ROBO2: variants seen among roughly 807,000 people sequenced by gnomAD.
ROBO2 encodes the protein roundabout guidance receptor 2, also known as roundabout homolog 2.
ROBO2 carries 53 observed loss-of-function variants against 160.8 expected under a neutral mutation model. The observed-to-expected ratio is 0.33, with a 90% confidence interval of 0.26 to 0.41. The LOEUF (loss-of-function observed/expected upper bound fraction) is 0.41. Among genes scored for constraint, ROBO2 ranks in the 10% least tolerant of loss-of-function variants. ROBO2 has a pLI of 1.00. For synonymous variants in ROBO2, 664 were observed against 611.7 expected (o/e 1.09, Z -1.26); for missense variants, 1,577 against 1,722.4 (o/e 0.92, Z 1.49).
intron 2 of ROBO2, among the ~76,000 whole-genome samples, chr3:77,139,294 CA>C (rs1455633362): frequency 1.3e-5 from 2 of 152,022 alleles, no homozygotes; most frequent in Non-Finnish European, 2.9e-5. Context: ...ATTATACCTC[CA>C]AAATCTGAAT....
At chr3:76,632,264 T>G (rs2090076020) in intron 2 of ROBO2, among the ~76,000 whole-genome samples, 1 of 152,174 alleles carries the variant, frequency 6.6e-6, no homozygotes, top group Admixed American at 6.5e-5. Flanking sequence ...ACCCATAAGT[T>G]TTCACTGAGC....
rs144171510 is a variant in ROBO2 at position 77,542,057 on chromosome 3, T to C, written c.935-4281T>C. Among the ~76,000 whole-genome samples the C allele has an allele frequency of 2.1e-3, 325 of 152,302 alleles. 3 individuals carry two copies. The highest frequency in any genetic ancestry group is 7.4e-3 in the African/African-American group (308 of 41,588). ...AAATGCCACATCTGTCTACTCCCTC[T>C]CTTTGGTGCCATCAGCCAAATACTG... On this transcript the variant is annotated intron_variant, in intron 6 of 25. Transcript: ENST00000461745.
intron 2 of ROBO2, among the ~76,000 whole-genome samples, chr3:76,254,756 AAC>A (rs1706252942): frequency 6.6e-6 from 1 of 151,356 alleles, no homozygotes; most frequent in African/African-American, 2.4e-5. Context: ...AGAGAGAGAG[AAC>A]AAATAAAACT....
intron 2 of ROBO2, among the ~76,000 whole-genome samples, chr3:76,759,826 A>C (rs914147938): frequency 5.3e-5 from 8 of 151,850 alleles, no homozygotes; most frequent in Non-Finnish European, 8.8e-5. Flanking sequence ...TAAAATAAGA[A>C]ATTTGGAGCC....
intron 2 of ROBO2, among the ~76,000 whole-genome samples, chr3:76,261,200 G>GTATA (rs1297206645): frequency 3.1e-5 from 4 of 128,592 alleles, no homozygotes; most frequent in African/African-American, 1.1e-4. Flanking sequence ...GTGTGTGTGT[G>GTATA]TGTATATATA....
intron 2 of ROBO2, among the ~76,000 whole-genome samples, chr3:76,981,625 A>G (rs946161788): frequency 1.1e-4 from 16 of 152,172 alleles, no homozygotes; most frequent in Non-Finnish European, 1.9e-4. Flanking sequence ...TCTTCACAAT[A>G]TCTGTATTTG....
At chr3:77,398,411 A>G (rs2075482887) in intron 2 of ROBO2, among the ~76,000 whole-genome samples, 1 of 152,058 alleles carries the variant, frequency 6.6e-6, no homozygotes, top group Admixed American at 6.6e-5. Context: ...ACAATCAGAG[A>G]GATACAATCA....
intron 2 of ROBO2, among the ~76,000 whole-genome samples, chr3:76,168,419 CCTGA>C (rs1404608785): frequency 6.6e-6 from 1 of 152,068 alleles, no homozygotes; most frequent in African/African-American, 2.4e-5. Context: ...GTCAATTATG[CCTGA>C]CTTTTTCTTC....
chr3:77,612,948 G>A (rs985671203), intron 21 of ROBO2, among the ~76,000 whole-genome samples: 4 of 151,212 alleles, frequency 2.6e-5, no homozygotes, highest in African/African-American at 7.3e-5. Flanking sequence ...GCGAGACTCC[G>A]TCTCAAAAAA....
chr3:77,591,207 C>CT (rs1397725756), intron 17 of ROBO2, among the ~76,000 whole-genome samples: 1 of 152,088 alleles, frequency 6.6e-6, no homozygotes, highest in East Asian at 1.9e-4. Flanking sequence ...TTTTTATACT[C>CT]TGATTATCTG....
intron 2 of ROBO2, among the ~76,000 whole-genome samples, chr3:76,410,590 T>C (rs1015255814): frequency 1.3e-5 from 2 of 152,188 alleles, no homozygotes; most frequent in Non-Finnish European, 2.9e-5. Context: ...TTTTAATCTT[T>C]CTTTGCCTTA....
chr3:76,565,608 T>A (rs938775263), intron 2 of ROBO2, among the ~76,000 whole-genome samples: 1 of 152,204 alleles, frequency 6.6e-6, no homozygotes, highest in Admixed American at 6.5e-5. Flanking sequence ...TCATGTATTG[T>A]AAACTGAAAA....
intron 1 of ROBO2, among the ~76,000 whole-genome samples, chr3:75,908,220 T>G (rs924184444): frequency 1.3e-5 from 2 of 152,162 alleles, no homozygotes; most frequent in African/African-American, 4.8e-5. Context: ...TACCAAATTC[T>G]CTTTTAGGAT....
At chr3:76,166,113 A>C (rs1225820788) in intron 2 of ROBO2, among the ~76,000 whole-genome samples, 1 of 152,194 alleles carries the variant, frequency 6.6e-6, no homozygotes, top group East Asian at 1.9e-4. Flanking sequence ...ATTGAAAAAA[A>C]ATAGAGCCAA....
chr3:76,118,344 G>T (rs1348251582), intron 2 of ROBO2, among the ~76,000 whole-genome samples: 1 of 152,120 alleles, frequency 6.6e-6, no homozygotes, highest in South Asian at 2.1e-4. Context: ...GCAGCCATGT[G>T]TCCAACTGTT....
chr3:76,617,090 T>C (rs970177122), intron 2 of ROBO2, among the ~76,000 whole-genome samples: 12 of 152,098 alleles, frequency 7.9e-5, no homozygotes, highest in Admixed American at 7.9e-4. Flanking sequence ...TTCAGATATA[T>C]TCACTATAAG....
chr3:77,607,350 G>A (rs188270338), intron 20 of ROBO2, among the ~76,000 whole-genome samples: 5 of 152,190 alleles, frequency 3.3e-5, no homozygotes, highest in Admixed American at 3.3e-4. Context: ...ACCCTTCCTG[G>A]ATTAATTAAA....
intron 2 of ROBO2, among the ~76,000 whole-genome samples, chr3:76,605,995 C>T (rs1405146874): frequency 1.3e-5 from 2 of 152,112 alleles, no homozygotes; most frequent in African/African-American, 4.8e-5. Flanking sequence ...AGCTAGATAT[C>T]TTCTAAGATT....
chr3:76,338,037 C>T (rs1333524205), intron 2 of ROBO2, among the ~76,000 whole-genome samples: 2 of 152,078 alleles, frequency 1.3e-5, no homozygotes, highest in Non-Finnish European at 2.9e-5. Flanking sequence ...ATGATGGTTA[C>T]AATTCATTTC....
Sources: gnomAD v4.1 joint callset for allele counts (sites outside exome capture counted in the v4.1 genomes callset) on GRCh38, gnomAD v4.1.1 for gene constraint, MANE v1.5 for transcripts, NCBI Gene and HGNC (gene_info 2026-07-23, HGNC 2026-07-21) for gene names.